OTUD7B: variants seen among roughly 807,000 people sequenced by gnomAD.
The protein encoded by OTUD7B is OTU deubiquitinase 7B, also known as OTU domain-containing protein 7B.
In OTUD7B, 34 loss-of-function variants were observed where a neutral mutation model predicts 82.2. The observed-to-expected ratio is 0.41, with a 90% CI of 0.31 to 0.55. The LOEUF is 0.55. Among genes scored for constraint, OTUD7B ranks in the 20% least tolerant of loss-of-function variants. OTUD7B has a pLI of 0.20. For missense variants in OTUD7B, 944 were observed against 1,062.1 expected (o/e 0.89, Z 1.55); for synonymous variants, 398 against 402.7 (o/e 0.99, Z 0.14).
rs1007574035 is a variant in OTUD7B at position 149,969,531 on chromosome 1, T to C, written c.274+1532A>G. Among the ~76,000 whole-genome samples, 4 of 152,076 alleles carry C rather than the reference T, an allele frequency of 2.6e-5. No individual in the cohort carries two copies. In the East Asian group the frequency reaches 5.8e-4, roughly 22 times the overall value. ...GGCTCACGCCTGTAATCCCAACACTTTGGGAGGCCGAGGCAGGTGGATCAC... is the reference window on the plus strand; with the variant it reads ...GGCTCACGCCTGTAATCCCAACACTCTGGGAGGCCGAGGCAGGTGGATCAC... On this transcript the variant is annotated intron_variant, in intron 3 of 11. Transcript: ENST00000581312.
At chr1:149,982,283 G>A (rs1374086332) in intron 1 of OTUD7B, among the ~76,000 whole-genome samples, 1 of 151,300 alleles carries the variant, frequency 6.6e-6, no homozygotes, top group Non-Finnish European at 1.5e-5. Flanking sequence ...TCAGGTAGGT[G>A]GCCAAAAGTC....
the OTUD7B span, among the ~76,000 whole-genome samples, chr1:150,032,596 C>G: frequency 1.3e-5 from 2 of 151,046 alleles, no homozygotes; most frequent in African/African-American, 4.9e-5. Context: ...GATCTTGCCA[C>G]TGTACTCTAG....
intron 9 of OTUD7B, 129 bp downstream of exon 9, chr1:149,949,500 G>C: frequency 1.0e-6 from 1 of 982,880 alleles, no homozygotes; most frequent in East Asian, 2.5e-5. Flanking sequence ...GTAACTTCTG[G>C]CTTAATAAAA....
intron 1 of OTUD7B, among the ~76,000 whole-genome samples, chr1:149,986,468 T>C (rs1216106383): frequency 6.6e-6 from 1 of 152,136 alleles, no homozygotes; most frequent in African/African-American, 2.4e-5. Flanking sequence ...CAGAGAAAAA[T>C]GACCCAAAAT....
chr1:150,022,695 C>T, the OTUD7B span, among the ~76,000 whole-genome samples: 1 of 152,232 alleles, frequency 6.6e-6, no homozygotes, highest in African/African-American at 2.4e-5. Context: ...CTGCAAGCCA[C>T]TACAACAAGT....
chr1:150,040,713 C>CTTTT, the OTUD7B span, among the ~76,000 whole-genome samples: 16 of 145,474 alleles, frequency 1.1e-4, 1 homozygote, highest in African/African-American at 3.6e-4. Flanking sequence ...CTTTTCTTTC[C>CTTTT]TTTTTTTTTT....
chr1:150,028,217 T>C, the OTUD7B span, among the ~76,000 whole-genome samples: 1 of 152,162 alleles, frequency 6.6e-6, no homozygotes, highest in Non-Finnish European at 1.5e-5. Context: ...GCCAAACACA[T>C]AGAGCCAAGC....
the OTUD7B span, among the ~76,000 whole-genome samples, chr1:150,051,317 A>G: frequency 6.6e-6 from 1 of 150,790 alleles, no homozygotes; most frequent in African/African-American, 2.4e-5. Flanking sequence ...TCTGTAATTT[A>G]CCTGGAAATT....
chr1:150,021,281 G>A, the OTUD7B span, among the ~76,000 whole-genome samples: 35 of 152,038 alleles, frequency 2.3e-4, no homozygotes, highest in African/African-American at 6.5e-4. Context: ...TTCCAGTGGC[G>A]GTGAGGAAGA....
chr1:149,967,213 C>A, intron 4 of OTUD7B, 81 bp downstream of exon 4: 1 of 915,264 alleles, frequency 1.1e-6, no homozygotes, highest in Non-Finnish European at 1.7e-6. Flanking sequence ...TGGAAGCTAG[C>A]GATCAAGTCC....
intron 11 of OTUD7B, among the ~76,000 whole-genome samples, chr1:149,945,674 C>A (rs1363284534): frequency 6.6e-6 from 1 of 152,184 alleles, no homozygotes; most frequent in Non-Finnish European, 1.5e-5. Context: ...TACTCCGTCT[C>A]CTAGTGCCCA....
At chr1:150,016,452 C>CTT in the OTUD7B span, among the ~76,000 whole-genome samples, 303 of 106,620 alleles carry the variant, frequency 2.8e-3, 5 homozygotes, top group African/African-American at 0.01. Flanking sequence ...TTTTCTTTTT[C>CTT]TTTTTTTTTT....
At chr1:150,051,296 A>C in the OTUD7B span, among the ~76,000 whole-genome samples, 1 of 150,480 alleles carries the variant, frequency 6.6e-6, no homozygotes, top group Admixed American at 6.6e-5. Context: ...CAAGAAATTC[A>C]TGTCTACATC....
the OTUD7B span, among the ~76,000 whole-genome samples, chr1:150,051,947 T>C: frequency 6.6e-6 from 1 of 152,172 alleles, no homozygotes; most frequent in East Asian, 1.9e-4. Context: ...TTCTAAAAGA[T>C]TATTTCAATA....
At chr1:150,010,893 C>T (rs1653004679), upstream of OTUD7B, among the ~76,000 whole-genome samples, 1 of 152,190 alleles carries the variant, frequency 6.6e-6, no homozygotes, top group Non-Finnish European at 1.5e-5. Flanking sequence ...CGCGCGTGAC[C>T]CCGTGTTTTC....
chr1:149,957,763 C>T (rs1648798400), intron 7 of OTUD7B, among the ~76,000 whole-genome samples: 1 of 152,220 alleles, frequency 6.6e-6, no homozygotes, highest in South Asian at 2.1e-4. Context: ...GCCTCACTGC[C>T]TCCTTGCAGT....
intron 3 of OTUD7B, among the ~76,000 whole-genome samples, chr1:149,967,801 C>T (rs1649618123): frequency 6.6e-6 from 1 of 152,108 alleles, no homozygotes; most frequent in Non-Finnish European, 1.5e-5. Flanking sequence ...TGTCTTCCTC[C>T]ACTTCCATAT....
intron 1 of OTUD7B, among the ~76,000 whole-genome samples, chr1:149,977,796 A>C (rs587634076): frequency 1.3e-5 from 2 of 151,988 alleles, no homozygotes; most frequent in South Asian, 4.1e-4. Context: ...CTGTAATACC[A>C]CTCTGAAAAA....
chr1:150,049,966 CT>C, the OTUD7B span, among the ~76,000 whole-genome samples: 1 of 152,070 alleles, frequency 6.6e-6, no homozygotes, highest in Non-Finnish European at 1.5e-5. Context: ...CATCCCAACA[CT>C]TTGGGAGGCT....
Sources: gnomAD v4.1 joint callset for allele counts (sites outside exome capture counted in the v4.1 genomes callset) on GRCh38, gnomAD v4.1.1 for gene constraint, MANE v1.5 for transcripts, NCBI Gene and HGNC (gene_info 2026-07-23, HGNC 2026-07-21) for gene names.